SGMS2: variants seen among roughly 807,000 people sequenced by gnomAD.
SGMS2 encodes the protein sphingomyelin synthase 2, also known as phosphatidylcholine:ceramide cholinephosphotransferase 2.
In SGMS2, 21 loss-of-function variants were observed where a neutral mutation model predicts 43.8. That is an observed-to-expected ratio of 0.48 (90% CI 0.34 to 0.69). The LOEUF is 0.69. Ranked by LOEUF, SGMS2 falls within the 30% of genes least tolerant of loss-of-function variation. The pLI is 0.01. For synonymous variants in SGMS2, 167 were observed against 160.6 expected, an observed-to-expected ratio of 1.04 and a Z score of -0.30; for missense variants, 384 against 443.2, an observed-to-expected ratio of 0.87 and a Z score of 1.20.
chr4:107,852,173 A>T (rs1279058307), intron 1 of SGMS2, among the ~76,000 whole-genome samples: 3 of 150,926 alleles, frequency 2.0e-5, no homozygotes, highest in Non-Finnish European at 4.4e-5. Context: ...AGTTCACTGC[A>T]TTCTCCTGCC....
intron 2 of SGMS2, chr4:107,864,519 A>T (rs989636739): frequency 6.6e-6 from 1 of 152,182 alleles, no homozygotes; most frequent in African/African-American, 2.4e-5. Context: ...CATAATAGTT[A>T]ATTTTGAATT....
At chr4:107,847,633 C>A (rs184718167) in intron 1 of SGMS2, among the ~76,000 whole-genome samples, 5 of 152,158 alleles carry the variant, frequency 3.3e-5, no homozygotes, top group Admixed American at 2.0e-4. Flanking sequence ...TAAAGGAAAG[C>A]TGTTTTTGAC....
rs1023861085 is a variant in SGMS2, at chr4:107,825,189, G to C, written c.-391G>C. The C allele has an allele frequency of 6.5e-6, 1 of 152,736 alleles. No homozygotes were observed. Among genetic ancestry groups the C allele is most frequent in the Non-Finnish European group, 1.5e-5 (1 of 68,516 alleles). 9.5% of individuals were successfully genotyped at this position (152,736 alleles called of 1,614,324 possible). On this transcript the variant is annotated 5_prime_UTR_variant, in exon 1 of 7. Coordinates refer to ENST00000690982, the MANE Select transcript of SGMS2 (RefSeq NM_001375905.1). The stretch of plus-strand genomic sequence containing the variant: ...CTGCGGCAGCGGGCTCCATCCCCTG[G>C]CAAATCCCCTTCCCGGGAGCAAGTG...
intron 1 of SGMS2, among the ~76,000 whole-genome samples, chr4:107,830,195 A>G (rs1290990700): frequency 6.6e-6 from 1 of 152,186 alleles, no homozygotes; most frequent in Non-Finnish European, 1.5e-5. Context: ...CCATGTTGCC[A>G]CAAAGGACAT....
chr4:107,844,667 C>T (rs192395553), intron 1 of SGMS2, among the ~76,000 whole-genome samples: 1 of 152,170 alleles, frequency 6.6e-6, no homozygotes, highest in Non-Finnish European at 1.5e-5. Context: ...GATTGCACCA[C>T]CGCTCTCCAG....
intron 1 of SGMS2, among the ~76,000 whole-genome samples, chr4:107,828,218 C>A (rs552757015): frequency 1.3e-5 from 2 of 152,044 alleles, no homozygotes; most frequent in South Asian, 4.2e-4. Context: ...ATATTTTGCC[C>A]CTATGCACAG....
intron 1 of SGMS2, among the ~76,000 whole-genome samples, chr4:107,847,689 A>C (rs1308402821): frequency 6.6e-6 from 1 of 152,112 alleles, no homozygotes; most frequent in Non-Finnish European, 1.5e-5. Context: ...TAATTGGAGT[A>C]TTTCTTGTTT....
At chr4:107,833,298 T>C (rs772502082) in intron 1 of SGMS2, among the ~76,000 whole-genome samples, 2 of 152,206 alleles carry the variant, frequency 1.3e-5, no homozygotes, top group Non-Finnish European at 2.9e-5. Context: ...GAGAGTAGCT[T>C]GTACACTTGA....
chr4:107,850,728 G>A (rs139682264), intron 1 of SGMS2, among the ~76,000 whole-genome samples: 3 of 152,238 alleles, frequency 2.0e-5, no homozygotes, highest in East Asian at 1.9e-4. Flanking sequence ...ACCTATTTAC[G>A]TGGTCAGCAT....
chr4:107,882,762 T>C (rs1729461516), intron 2 of SGMS2, among the ~76,000 whole-genome samples: 1 of 152,194 alleles, frequency 6.6e-6, no homozygotes, highest in Non-Finnish European at 1.5e-5. Flanking sequence ...TTTTTTAAGG[T>C]CTAAGAAAGC....
At chr4:107,869,254 G>C (rs1233280506) in intron 2 of SGMS2, among the ~76,000 whole-genome samples, 1 of 152,166 alleles carries the variant, frequency 6.6e-6, no homozygotes, top group Non-Finnish European at 1.5e-5. Context: ...TAGCAGGAAA[G>C]GTTTGTTGGA....
At chr4:107,893,881 A>C (rs1451386190) in intron 2 of SGMS2, among the ~76,000 whole-genome samples, 3 of 152,104 alleles carry the variant, frequency 2.0e-5, no homozygotes, top group African/African-American at 7.2e-5. Flanking sequence ...TATGCCATTC[A>C]GTCTTCTCCA....
At chr4:107,889,756 G>A (rs1730053100) in intron 2 of SGMS2, among the ~76,000 whole-genome samples, 1 of 152,052 alleles carries the variant, frequency 6.6e-6, no homozygotes, top group South Asian at 2.1e-4. Context: ...CATATTAAAG[G>A]AAACAACTCA....
In SGMS2 at chr4:107,826,947, A is replaced by G. The variant is rs1725627741; in HGVS notation, c.-327+1694A>G. Among the ~76,000 whole-genome samples the G allele has an allele frequency of 2.0e-5, 3 of 152,242 alleles. No individual in the cohort carries two copies. In the South Asian group the frequency reaches 6.2e-4, roughly 32 times the overall value. ...AGTACCGTGTAGTGAGATCATGGAC[A>G]TGGGAATCCAGGAGACCTGAGGCTC... is the stretch of plus-strand genomic sequence containing the variant. On this transcript the variant is annotated intron_variant, in intron 1 of 6. Coordinates refer to ENST00000690982, the MANE Select transcript of SGMS2 (RefSeq NM_001375905.1).
chr4:107,891,838 C>T (rs1730244128), intron 2 of SGMS2, among the ~76,000 whole-genome samples: 1 of 152,036 alleles, frequency 6.6e-6, no homozygotes, highest in Admixed American at 6.6e-5. Context: ...TTGCCTGTTT[C>T]TTTACACATG....
intron 1 of SGMS2, among the ~76,000 whole-genome samples, chr4:107,827,036 CA>C (rs1725632044): frequency 6.6e-6 from 1 of 151,952 alleles, no homozygotes; most frequent in Non-Finnish European, 1.5e-5. Context: ...GGACTTTAAA[CA>C]AAATATAGGG....
intron 5 of SGMS2, 140 bp from the exon 6 acceptor site, chr4:107,908,425 A>T (rs577389177): frequency 6.4e-5 from 53 of 823,290 alleles, no homozygotes; most frequent in Non-Finnish European, 8.8e-5. Context: ...GTTCATAGTG[A>T]CTCAGTTTAG....
In SGMS2 at chr4:107,895,845, A is replaced by G; in HGVS notation, c.292A>G (p.Thr98Ala). ...FNLVLTTVMI[T>A]VVHERVPPKE... ...CCTCGTCTTGACAACCGTCATGATC[A>G]CAGTTGTACATGAGAGGGTCCCTCC... Residue 98 changes from threonine (T) to alanine (A), a missense_variant, in exon 3 of 7, where the codon ACA (threonine) becomes GCA (alanine). Thr to Ala is a moderately conservative substitution (Grantham distance 58). Coordinates refer to ENST00000690982, the MANE Select transcript of SGMS2 (RefSeq NM_001375905.1). 1 of 1,614,004 alleles carries G rather than the reference A, an allele frequency of 6.2e-7. No homozygotes were observed. The highest frequency in any genetic ancestry group is 8.5e-7 in the Non-Finnish European group (1 of 1,179,952).
Position 107,905,081 on chromosome 4 carries a change from C to T in SGMS2, c.727+1695C>T, listed in dbSNP as rs186853513. The stretch of plus-strand genomic sequence containing the variant: ...GTTTTCTAAAATAACTGAAAACCAA[C>T]TGATATTAACTGTATTAGTCTGTTT... On this transcript the variant is annotated intron_variant, in intron 5 of 6. Coordinates refer to ENST00000690982, the MANE Select transcript of SGMS2 (RefSeq NM_001375905.1). Among the ~76,000 whole-genome samples, 4 of 152,240 alleles carry T rather than the reference C, an allele frequency of 2.6e-5. No homozygotes were observed. The East Asian group carries it at 7.7e-4, about 29-fold the overall frequency.
Sources: gnomAD v4.1 joint callset for allele counts (sites outside exome capture counted in the v4.1 genomes callset) on GRCh38, gnomAD v4.1.1 for gene constraint, MANE v1.5 for transcripts, NCBI Gene and HGNC (gene_info 2026-07-23, HGNC 2026-07-21) for gene names.